PCLAF: variants seen among roughly 807,000 people sequenced by gnomAD.
The protein encoded by PCLAF is PCNA clamp associated factor.
PCLAF carries 12 observed loss-of-function variants against 15.1 expected under a neutral mutation model. That is an observed-to-expected ratio of 0.79 (90% confidence interval 0.51 to 1.29). PCLAF has a LOEUF of 1.29. Among genes scored for constraint, PCLAF ranks in the 50% most tolerant of loss-of-function variants. The pLI, the probability that PCLAF is intolerant of heterozygous loss-of-function variation, is 0.00. For synonymous variants in PCLAF, 33 were observed against 47.1 expected, an observed-to-expected ratio of 0.70 and a Z score of 1.22; for missense variants, 116 against 130.9, an observed-to-expected ratio of 0.89 and a Z score of 0.56.
chr15:64,370,160 C>T (rs1489907698), intron 3 of PCLAF, among the ~76,000 whole-genome samples: 2 of 151,346 alleles, frequency 1.3e-5, no homozygotes, highest in East Asian at 3.9e-4. Flanking sequence ...CTCACTGCAG[C>T]CTCGAATGCC....
upstream of PCLAF, among the ~76,000 whole-genome samples, chr15:64,385,153 A>G (rs1161636081): frequency 6.6e-6 from 1 of 152,014 alleles, no homozygotes; most frequent in African/African-American, 2.4e-5. Flanking sequence ...GCCTCCCAAA[A>G]TGCTGAGATT....
At chr15:64,385,873 C>G (rs982169557), upstream of PCLAF, among the ~76,000 whole-genome samples, 10 of 151,994 alleles carry the variant, frequency 6.6e-5, no homozygotes, top group Non-Finnish European at 1.3e-4. Context: ...ACTTCTGCTC[C>G]CAGACATCAG....
At position 64,365,389 on chromosome 15, in the gene PCLAF, C is replaced by T. The variant is rs1898989414; in HGVS notation, c.*641G>A. The T allele has an allele frequency of 6.5e-6, 1 of 153,054 alleles. No individual in the cohort carries two copies. The highest frequency in any genetic ancestry group is 3.4e-3 in the Middle Eastern group (1 of 298). The allele number at this position is 153,054 out of a possible 1,614,324, so 9.5% of individuals were successfully genotyped here. A position where few individuals can be genotyped will look rare whatever the true frequency, so the allele number is the denominator to read the frequency against. On this transcript the variant is annotated 3_prime_UTR_variant, in exon 4 of 4. Transcript: ENST00000300035. The stretch of plus-strand genomic sequence containing the variant: ...TCAAGCAAACCTCCCTCCTCAGCCT[C>T]CTGAGAAGCCACTGTGCCCACCATG...
At chr15:64,379,014 C>A (rs577297985) in intron 2 of PCLAF, among the ~76,000 whole-genome samples, 6 of 152,128 alleles carry the variant, frequency 3.9e-5, no homozygotes, top group East Asian at 3.9e-4. Context: ...ATTTCCTTAT[C>A]TTTAAAATAA....
intron 2 of PCLAF, among the ~76,000 whole-genome samples, chr15:64,377,760 T>G (rs1279548420): frequency 9.0e-5 from 10 of 111,512 alleles, no homozygotes; most frequent in African/African-American, 2.0e-4. Flanking sequence ...TTTTTTTTTT[T>G]TTTTTTTTTT....
At chr15:64,375,662 G>A (rs992706051) in intron 3 of PCLAF, among the ~76,000 whole-genome samples, 3 of 152,112 alleles carry the variant, frequency 2.0e-5, no homozygotes, top group South Asian at 2.1e-4. Flanking sequence ...CAAAGTGCTA[G>A]GATTACAGGC....
chr15:64,366,176 A>T, intron 3 of PCLAF, 101 bp from the exon 4 acceptor site: 1 of 758,514 alleles, frequency 1.3e-6, no homozygotes, highest in Non-Finnish European at 2.1e-6. Flanking sequence ...TTAACAGTGC[A>T]GTAGATCTGG....
At chr15:64,383,279 A>G (rs917131710), upstream of PCLAF, among the ~76,000 whole-genome samples, 1 of 152,058 alleles carries the variant, frequency 6.6e-6, no homozygotes, top group Admixed American at 6.6e-5. Context: ...GTTACAGCCA[A>G]ATCAACCGGA....
chr15:64,381,871 CT>C (rs1899832621), upstream of PCLAF, among the ~76,000 whole-genome samples: 3 of 152,120 alleles, frequency 2.0e-5, no homozygotes. Flanking sequence ...GAGAACTTTC[CT>C]TTAGTCCCCC....
upstream of PCLAF, among the ~76,000 whole-genome samples, chr15:64,385,757 G>A (rs1044877409): frequency 2.6e-5 from 4 of 152,164 alleles, no homozygotes; most frequent in African/African-American, 9.7e-5. Flanking sequence ...GAGTGGGGCA[G>A]ATCTGCTCTC....
chr15:64,371,231 G>A (rs1271275576), intron 3 of PCLAF, among the ~76,000 whole-genome samples: 1 of 150,994 alleles, frequency 6.6e-6, no homozygotes, highest in Non-Finnish European at 1.5e-5. Context: ...GCCTCCCAAA[G>A]TGCTGGGATT....
Position 64,380,953 on chromosome 15 carries a change from C to G in PCLAF, c.127+5G>C. The G allele has an allele frequency of 1.2e-6, 2 of 1,613,774 alleles. No individual in the cohort carries two copies. Among genetic ancestry groups the G allele is most frequent in the East Asian group, 2.2e-5 (1 of 44,876 alleles). ...ATCCCCTAACTTTAGGAGGGCTCTTCTTACCTTTCCTCGATGAAACTGATG... is the reference window on the plus strand; with the variant it reads ...ATCCCCTAACTTTAGGAGGGCTCTTGTTACCTTTCCTCGATGAAACTGATG... On this transcript the variant is annotated splice_donor_5th_base_variant and intron_variant, in intron 2 of 3. Coordinates refer to ENST00000300035, the MANE Select transcript of PCLAF (RefSeq NM_014736.6).
At chr15:64,372,085 A>G (rs1171479696) in intron 3 of PCLAF, among the ~76,000 whole-genome samples, 2 of 151,180 alleles carry the variant, frequency 1.3e-5, no homozygotes, top group Non-Finnish European at 1.5e-5. Flanking sequence ...AAATTATTTG[A>G]CATACACAAA....
At chr15:64,367,791 G>A (rs932605541) in intron 3 of PCLAF, among the ~76,000 whole-genome samples, 1 of 151,590 alleles carries the variant, frequency 6.6e-6, no homozygotes, top group African/African-American at 2.4e-5. Context: ...TTCATAATCC[G>A]CCTGCCTTGG....
chr15:64,368,701 A>T (rs1044198526), intron 3 of PCLAF, among the ~76,000 whole-genome samples: 10 of 151,718 alleles, frequency 6.6e-5, no homozygotes, highest in Non-Finnish European at 8.8e-5. Flanking sequence ...ACAGGACCTA[A>T]AGAAATAATA....
At chr15:64,377,962 A>C (rs1408695142) in intron 2 of PCLAF, among the ~76,000 whole-genome samples, 7 of 117,170 alleles carry the variant, frequency 6.0e-5, no homozygotes, top group Non-Finnish European at 1.1e-4. Context: ...ACAGAGTCTC[A>C]CTCTGTCACC....
intron 3 of PCLAF, 122 bp from the exon 4 acceptor site, chr15:64,366,197 A>C (rs1402867402): frequency 1.7e-5 from 9 of 529,450 alleles, no homozygotes; most frequent in Non-Finnish European, 2.5e-5. Flanking sequence ...TCTAATGACT[A>C]GAAATGAAAG....
chr15:64,387,647 T>C, exon 1 of PCLAF: 1 of 1,411,958 alleles, frequency 7.1e-7, no homozygotes, highest in Non-Finnish European at 9.2e-7. Context: ...AATCATGCAC[T>C]GACAGAGCTC....
chr15:64,381,060 G>T, intron 1 of PCLAF, 22 bp from the exon 2 acceptor site: 1 of 1,613,036 alleles, frequency 6.2e-7, no homozygotes, highest in Non-Finnish European at 8.5e-7. Flanking sequence ...GGCAAAAAAG[G>T]GTGTTCAGAA....
Sources: gnomAD v4.1 joint callset for allele counts (sites outside exome capture counted in the v4.1 genomes callset) on GRCh38, gnomAD v4.1.1 for gene constraint, MANE v1.5 for transcripts, NCBI Gene and HGNC (gene_info 2026-07-23, HGNC 2026-07-21) for gene names.